Variants in SDHAF2 observed in about 807,000 individuals in gnomAD.
SDHAF2 encodes the protein succinate dehydrogenase complex assembly factor 2, also known as succinate dehydrogenase assembly factor 2, mitochondrial.
In SDHAF2, 21 loss-of-function variants were observed where a neutral mutation model predicts 18.5. The ratio of observed to expected loss-of-function variants is 1.13; its 90% CI spans 0.80 to 1.63. SDHAF2 has a LOEUF of 1.63. Ranked by LOEUF, SDHAF2 falls within the 40% of genes most tolerant of loss-of-function variation. The pLI is 0.00. For synonymous variants in SDHAF2, 84 were observed against 70.7 expected, an observed-to-expected ratio of 1.19 and a Z score of -0.94; for missense variants, 195 against 200.3, an observed-to-expected ratio of 0.97 and a Z score of 0.16.
At chr11:61,433,845 A>G (rs1196029451) in intron 1 of SDHAF2, 1 of 152,202 alleles carries the variant, frequency 6.6e-6, no homozygotes, top group African/African-American at 2.4e-5. Context: ...TCGAGGCCTC[A>G]CTCCTTGCCT....
In SDHAF2 at chr11:61,446,725, A is replaced by T. The variant is rs1282808331; in HGVS notation, c.*654A>T. ...AAGAGAATTATTAAAGCATACTGAA[A>T]AAAGGAAATTTACAATTTCCCAGCC... On this transcript the variant is annotated 3_prime_UTR_variant, in exon 4 of 4. Transcript: ENST00000301761. 1 of 399,114 alleles carries T rather than the reference A, an allele frequency of 2.5e-6. No individual in the cohort carries two copies. Among genetic ancestry groups the T allele is most frequent in the East Asian group, 3.6e-5 (1 of 28,100 alleles). 24.7% of individuals were successfully genotyped at this position (399,114 alleles called of 1,614,324 possible). A position where few individuals can be genotyped will look rare whatever the true frequency, so the allele number is the denominator to read the frequency against.
In SDHAF2 at chr11:61,446,547, C is replaced by T. The variant is rs749056881; in HGVS notation, c.*476C>T. 48 of 461,922 alleles carry T rather than the reference C, an allele frequency of 1.0e-4. No individual in the cohort carries two copies. The East Asian group carries it at 1.2e-3, about 12-fold the overall frequency. 28.6% of individuals were successfully genotyped at this position (461,922 alleles called of 1,614,324 possible). On this transcript the variant is annotated 3_prime_UTR_variant, in exon 4 of 4. Coordinates refer to ENST00000301761, the MANE Select transcript of SDHAF2 (RefSeq NM_017841.4). ...TTCCAACCTGGTATGGCTCCTTCTG[C>T]GAAGGGAAGCTGATCCCAGCCTCCT...
intron 3 of SDHAF2, among the ~76,000 whole-genome samples, chr11:61,444,726 G>C (rs542052224): frequency 6.6e-6 from 1 of 152,318 alleles, no homozygotes; most frequent in South Asian, 2.1e-4. Flanking sequence ...CTGGGCGACA[G>C]AGTGAGACTC....
intron 1 of SDHAF2, chr11:61,430,556 A>T (rs1469731165): frequency 2.9e-6 from 1 of 340,356 alleles, no homozygotes; most frequent in Non-Finnish European, 5.4e-6. Context: ...TATAATTGAC[A>T]TATAATTGTA....
In SDHAF2 at chr11:61,444,033, A is replaced by G. The variant is rs559453427; in HGVS notation, c.371-1908A>G. The G allele has an allele frequency of 8.9e-3, 1,355 of 152,572 alleles. 8 individuals are homozygous for G. The highest frequency in any genetic ancestry group is 0.012 in the Non-Finnish European group (808 of 68,260). The allele number at this position is 152,572 out of a possible 1,614,324, so 9.5% of individuals were successfully genotyped here. A position where few individuals can be genotyped will look rare whatever the true frequency, so the allele number is the denominator to read the frequency against. Reference sequence around the variant, plus strand: ...CGTGATCCACCCGCCTCGGCCTCCCAAAGTGCTGGGATTACAGGCGTGAGC... The same window carrying G: ...CGTGATCCACCCGCCTCGGCCTCCCGAAGTGCTGGGATTACAGGCGTGAGC... On this transcript the variant is annotated intron_variant, in intron 3 of 3. Transcript: ENST00000301761.
intron 3 of SDHAF2, among the ~76,000 whole-genome samples, chr11:61,443,151 C>A (rs1023965645): frequency 1.3e-5 from 2 of 152,146 alleles, no homozygotes; most frequent in Non-Finnish European, 2.9e-5. Context: ...TATCTATTGA[C>A]CTGTCTTCCA....
intron 1 of SDHAF2, chr11:61,430,405 G>A: frequency 1.6e-6 from 1 of 620,098 alleles, no homozygotes; most frequent in Non-Finnish European, 2.8e-6. Context: ...TAAACGATCA[G>A]TCATCGTCCA....
intron 1 of SDHAF2, 153 bp downstream of exon 1, chr11:61,430,335 A>G (rs1804376342): frequency 5.7e-6 from 5 of 882,178 alleles, no homozygotes; most frequent in Non-Finnish European, 7.3e-6. Context: ...CAACTCAGGA[A>G]ATAAAGGTCG....
intron 1 of SDHAF2, chr11:61,433,132 G>C (rs1265713880): frequency 6.6e-6 from 1 of 151,358 alleles, no homozygotes; most frequent in Non-Finnish European, 1.5e-5. Context: ...TCCATCTCCT[G>C]GGTTCAAGCG....
chr11:61,443,015 A>C (rs1269562480), intron 3 of SDHAF2, among the ~76,000 whole-genome samples: 1 of 152,180 alleles, frequency 6.6e-6, no homozygotes, highest in Admixed American at 6.5e-5. Context: ...TCAGTCCCTT[A>C]AAGTGTTGGG....
chr11:61,433,514 A>G (rs1386586692), intron 1 of SDHAF2: 1 of 152,222 alleles, frequency 6.6e-6, no homozygotes, highest in Non-Finnish European at 1.5e-5. Flanking sequence ...TGTACTGATG[A>G]GGATAGTCCT....
intron 3 of SDHAF2, among the ~76,000 whole-genome samples, chr11:61,438,999 G>A (rs755863092): frequency 6.6e-6 from 1 of 151,856 alleles, no homozygotes; most frequent in Non-Finnish European, 1.5e-5. Context: ...AGCTGAGATT[G>A]CACCACTGCA....
Position 61,437,586 on chromosome 11 carries a change from G to A in SDHAF2, c.37-39G>A, listed in dbSNP as rs187811909. ...TGAGTAAATGATAGCGATGATAGTC[G>A]TCATTATTGTAAAGATGTTTGTGGT... On this transcript the variant is annotated intron_variant, in intron 1 of 3. Transcript: ENST00000301761. 167 of 1,508,862 alleles carry A rather than the reference G, an allele frequency of 1.1e-4. 1 individual carries two copies. The African/African-American group carries it at 1.7e-3, about 15-fold the overall frequency. 93.5% of individuals were successfully genotyped at this position (1,508,862 alleles called of 1,614,324 possible).
chr11:61,437,976 T>G (rs1862014732), intron 2 of SDHAF2, 28 bp from the exon 3 acceptor site: 1 of 1,605,670 alleles, frequency 6.2e-7, no homozygotes. Flanking sequence ...TCTCAACCTC[T>G]TTTTCTTTTT....
chr11:61,433,715 A>T (rs370777140), intron 1 of SDHAF2: 1 of 152,214 alleles, frequency 6.6e-6, no homozygotes, highest in Non-Finnish European at 1.5e-5. Flanking sequence ...TTTTCATCGC[A>T]TGCTGTATTA....
chr11:61,430,415 A>G (rs1304874517), intron 1 of SDHAF2: 3 of 594,296 alleles, frequency 5.0e-6, no homozygotes, highest in East Asian at 2.9e-5. Context: ...GTCATCGTCC[A>G]AGACCCAATT....
chr11:61,437,500 C>A, intron 1 of SDHAF2, 125 bp from the exon 2 acceptor site: 2 of 899,896 alleles, frequency 2.2e-6, no homozygotes, highest in Non-Finnish European at 3.7e-6. Flanking sequence ...CCACGCCTGG[C>A]CAGCAGTGTA....
Position 61,446,704 on chromosome 11 carries a change from G to A in SDHAF2, c.*633G>A. ...AACGTGCACTTTGTAATTTGAAAGA[G>A]AATTATTAAAGCATACTGAAAAAAG... On this transcript the variant is annotated 3_prime_UTR_variant, in exon 4 of 4. Transcript: ENST00000301761. 2.5e-6 allele frequency: 1 copy of A among 399,526 alleles called. No homozygotes were observed. The highest frequency in any genetic ancestry group is 4.4e-6 in the Non-Finnish European group (1 of 226,764). The allele number at this position is 399,526 out of a possible 1,614,324, so 24.7% of individuals were successfully genotyped here. A position where few individuals can be genotyped will look rare whatever the true frequency, so the allele number is the denominator to read the frequency against.
At chr11:61,438,912 C>CG (rs1862031024) in intron 3 of SDHAF2, among the ~76,000 whole-genome samples, 2 of 152,034 alleles carry the variant, frequency 1.3e-5, no homozygotes, top group Admixed American at 1.3e-4. Context: ...AACATGGTGG[C>CG]GGACAACTGC....
Sources: gnomAD v4.1 joint callset for allele counts (sites outside exome capture counted in the v4.1 genomes callset) on GRCh38, gnomAD v4.1.1 for gene constraint, MANE v1.5 for transcripts, NCBI Gene and HGNC (gene_info 2026-07-23, HGNC 2026-07-21) for gene names.